Variants in AGBL4 observed in about 807,000 individuals in gnomAD.
AGBL4 encodes the protein cytosolic carboxypeptidase 6.
In AGBL4, 58 loss-of-function variants were observed where a neutral mutation model predicts 66.4. The ratio of observed to expected loss-of-function variants is 0.87; its 90% CI spans 0.71 to 1.09. The LOEUF is 1.09. Ranked by LOEUF, AGBL4 falls within the 50% of genes least tolerant of loss-of-function variation. The pLI is 0.00. For synonymous variants in AGBL4, 234 were observed against 222.9 expected, an observed-to-expected ratio of 1.05 and a Z score of -0.44; for missense variants, 579 against 631.0, an observed-to-expected ratio of 0.92 and a Z score of 0.88.
At chr1:48,552,395 A>T (rs1427427054) in intron 11 of AGBL4, among the ~76,000 whole-genome samples, 3 of 152,290 alleles carry the variant, frequency 2.0e-5, no homozygotes, top group Middle Eastern at 3.4e-3. Context: ...GATTCATTCA[A>T]CAGATAAGTT....
intron 4 of AGBL4, among the ~76,000 whole-genome samples, chr1:49,142,912 G>T (rs1447340199): frequency 6.6e-6 from 1 of 152,148 alleles, no homozygotes; most frequent in Non-Finnish European, 1.5e-5. Context: ...TGAAGGAACA[G>T]ACTTGGAGAT....
At chr1:49,623,072 C>T (rs1645398636) in intron 3 of AGBL4, among the ~76,000 whole-genome samples, 1 of 152,112 alleles carries the variant, frequency 6.6e-6, no homozygotes, top group Non-Finnish European at 1.5e-5. Flanking sequence ...CTGAAGGATA[C>T]AGAAACTTAG....
intron 3 of AGBL4, among the ~76,000 whole-genome samples, chr1:49,682,199 A>G (rs1646708062): frequency 1.3e-5 from 2 of 152,156 alleles, no homozygotes; most frequent in Admixed American, 1.3e-4. Context: ...CAAGGTCAAG[A>G]GATCGAGACC....
chr1:49,081,551 A>G (rs1644808812), intron 4 of AGBL4, among the ~76,000 whole-genome samples: 1 of 152,230 alleles, frequency 6.6e-6, no homozygotes, highest in South Asian at 2.1e-4. Context: ...TATAAGAGAT[A>G]TCCTTGCCTC....
chr1:49,762,191 A>C (rs1006523682), intron 2 of AGBL4, among the ~76,000 whole-genome samples: 1 of 152,138 alleles, frequency 6.6e-6, no homozygotes, highest in Non-Finnish European at 1.5e-5. Flanking sequence ...TTCCAATCCC[A>C]TGAATAGTGT....
In AGBL4 at chr1:49,275,661, A is replaced by G. The variant is rs374873568; in HGVS notation, c.283-29797T>C. On this transcript the variant is annotated intron_variant, in intron 3 of 13. Coordinates refer to ENST00000371839, the MANE Select transcript of AGBL4 (RefSeq NM_032785.4). ...AAAAACCTATAGTATACCTGTTATTACATTCTAGCCTTGCCCATAGTTTTT... is the reference window on the plus strand; with the variant it reads ...AAAAACCTATAGTATACCTGTTATTGCATTCTAGCCTTGCCCATAGTTTTT... Among the ~76,000 whole-genome samples the G allele has an allele frequency of 1.1e-3, 164 of 152,294 alleles. 1 individual carries two copies. The highest frequency in any genetic ancestry group is 3.8e-3 in the African/African-American group (158 of 41,582).
chr1:48,900,572 G>T (rs1167861309), intron 5 of AGBL4, among the ~76,000 whole-genome samples: 4 of 152,156 alleles, frequency 2.6e-5, no homozygotes, highest in Admixed American at 6.5e-5. Context: ...TCCAGAAATA[G>T]ACCCACACAT....
intron 4 of AGBL4, among the ~76,000 whole-genome samples, chr1:49,081,203 G>A (rs753996607): frequency 6.6e-6 from 1 of 152,076 alleles, no homozygotes; most frequent in Non-Finnish European, 1.5e-5. Flanking sequence ...AACATTCAAG[G>A]TATATTCAGT....
intron 4 of AGBL4, among the ~76,000 whole-genome samples, chr1:49,216,215 C>T (rs1005762696): frequency 1.3e-5 from 2 of 152,092 alleles, no homozygotes; most frequent in African/African-American, 2.4e-5. Context: ...CCACTGGTTG[C>T]CAATCTCTGC....
At chr1:48,642,930 G>A (rs920851810) in intron 8 of AGBL4, among the ~76,000 whole-genome samples, 1 of 152,132 alleles carries the variant, frequency 6.6e-6, no homozygotes, top group African/African-American at 2.4e-5. Flanking sequence ...CACACGGCCT[G>A]GATAAAACCC....
intron 9 of AGBL4, among the ~76,000 whole-genome samples, chr1:48,623,793 G>A (rs962280182): frequency 2.0e-5 from 3 of 152,224 alleles, no homozygotes; most frequent in African/African-American, 7.2e-5. Context: ...TCAGACGGGG[G>A]CATGGAAAGG....
chr1:48,884,008 G>A (rs985353847), intron 5 of AGBL4, among the ~76,000 whole-genome samples: 1 of 152,178 alleles, frequency 6.6e-6, no homozygotes, highest in Non-Finnish European at 1.5e-5. Flanking sequence ...CCCTCAGAGG[G>A]CCTTCCTGCT....
At position 49,009,526 on chromosome 1, in the gene AGBL4, G is replaced by T. The variant is rs558641451; in HGVS notation, c.594+36058C>A. ...AGAGGGAATCCTCCCTAACTCATTT[G>T]ATGAGGCCAGCATCATTCTGATACC... is the stretch of plus-strand genomic sequence containing the variant. On this transcript the variant is annotated intron_variant, in intron 5 of 13. Transcript: ENST00000371839. 1.5e-3 allele frequency among the ~76,000 whole-genome samples: 223 copies of T among 151,904 alleles called. 3 individuals are homozygous for T. Among genetic ancestry groups the T allele is most frequent in the African/African-American group, 5.1e-3 (210 of 41,300 alleles).
intron 1 of AGBL4, among the ~76,000 whole-genome samples, chr1:50,007,219 T>A (rs530354351): frequency 6.6e-6 from 1 of 152,004 alleles, no homozygotes; most frequent in South Asian, 2.1e-4. Context: ...AGAAACTATA[T>A]GACGTACACA....
chr1:49,237,162 C>G (rs1240219836), intron 4 of AGBL4, among the ~76,000 whole-genome samples: 7 of 151,624 alleles, frequency 4.6e-5, no homozygotes, highest in Admixed American at 3.3e-4. Context: ...ACTTGGGAGG[C>G]TGAGGCAGGA....
intron 4 of AGBL4, among the ~76,000 whole-genome samples, chr1:49,116,047 C>T (rs995166714): frequency 6.6e-6 from 1 of 152,088 alleles, no homozygotes; most frequent in East Asian, 1.9e-4. Flanking sequence ...TTTCAAAATA[C>T]TTTAACCTTT....
chr1:49,536,385 T>C (rs1651588745), intron 3 of AGBL4, among the ~76,000 whole-genome samples: 1 of 152,198 alleles, frequency 6.6e-6, no homozygotes, highest in African/African-American at 2.4e-5. Context: ...TTCATGTGCA[T>C]GTGTGTGTTG....
chr1:50,023,416 A>C (rs1662592576), intron 1 of AGBL4, among the ~76,000 whole-genome samples: 1 of 151,774 alleles, frequency 6.6e-6, no homozygotes, highest in Admixed American at 6.6e-5. Context: ...GGCAGTGTAC[A>C]CCCTTTCCAT....
chr1:49,633,198 T>A (rs1297000862), intron 3 of AGBL4, among the ~76,000 whole-genome samples: 3 of 152,136 alleles, frequency 2.0e-5, no homozygotes, highest in Admixed American at 6.5e-5. Context: ...TAAACCTAGA[T>A]CAGTGACTCT....
Sources: gnomAD v4.1 joint callset for allele counts (sites outside exome capture counted in the v4.1 genomes callset) on GRCh38, gnomAD v4.1.1 for gene constraint, MANE v1.5 for transcripts, NCBI Gene and HGNC (gene_info 2026-07-23, HGNC 2026-07-21) for gene names.